ADCY9: variants seen among roughly 807,000 people sequenced by gnomAD.
ADCY9 encodes the protein adenylate cyclase 9, also known as adenylate cyclase type 9.
In ADCY9, 50 loss-of-function variants were observed where a neutral mutation model predicts 101.5. The observed-to-expected ratio is 0.49, with a 90% CI of 0.39 to 0.62. The LOEUF (loss-of-function observed/expected upper bound fraction) is 0.62. ADCY9 is among the 20% of genes least tolerant of loss of function. The pLI is 0.00. For missense variants in ADCY9, 1,662 were observed against 1,800.4 expected, an observed-to-expected ratio of 0.92 and a Z score of 1.39; for synonymous variants, 905 against 769.3, an observed-to-expected ratio of 1.18 and a Z score of -2.92.
At chr16:4,014,533 C>T (rs1471931308) in intron 2 of ADCY9, among the ~76,000 whole-genome samples, 6 of 151,228 alleles carry the variant, frequency 4.0e-5, no homozygotes, top group South Asian at 2.1e-4. Context: ...CTGCAACCTC[C>T]GCCTCCCGGG....
chr16:4,041,948 G>C (rs940381349), intron 2 of ADCY9, among the ~76,000 whole-genome samples: 2 of 140,974 alleles, frequency 1.4e-5, no homozygotes, highest in African/African-American at 5.3e-5. Flanking sequence ...TTTTGAGACG[G>C]AGTCTTGCTC....
chr16:4,056,166 A>G (rs929354496), intron 2 of ADCY9, among the ~76,000 whole-genome samples: 1 of 152,242 alleles, frequency 6.6e-6, no homozygotes, highest in African/African-American at 2.4e-5. Context: ...TCTCTTCAAC[A>G]TCAGCTCTCA....
chr16:3,998,664 G>T (rs2056306053), intron 3 of ADCY9, among the ~76,000 whole-genome samples: 1 of 133,390 alleles, frequency 7.5e-6, no homozygotes, highest in African/African-American at 2.9e-5. Flanking sequence ...AGCCGAGATG[G>T]TGCCACTGCA....
intron 3 of ADCY9, among the ~76,000 whole-genome samples, chr16:4,006,278 C>T (rs913565210): frequency 4.4e-5 from 6 of 136,554 alleles, no homozygotes; most frequent in African/African-American, 1.9e-4. Context: ...CACATGACTA[C>T]CTGGTCCAAA....
At chr16:4,072,575 G>C (rs1383746791) in intron 2 of ADCY9, among the ~76,000 whole-genome samples, 4 of 152,144 alleles carry the variant, frequency 2.6e-5, no homozygotes. Context: ...CTTGAGAACA[G>C]ACATAGCTTC....
At chr16:4,083,159 T>A (rs934833860) in intron 2 of ADCY9, among the ~76,000 whole-genome samples, 1 of 152,266 alleles carries the variant, frequency 6.6e-6, no homozygotes, top group Non-Finnish European at 1.5e-5. Flanking sequence ...TGCGTTTTTT[T>A]GTTTGTTTGT....
At chr16:4,014,801 C>T (rs576252702) in intron 2 of ADCY9, among the ~76,000 whole-genome samples, 21 of 152,054 alleles carry the variant, frequency 1.4e-4, no homozygotes, top group African/African-American at 4.6e-4. Context: ...CTCCCTCCCG[C>T]TTCCCCACCC....
chr16:4,033,861 C>T (rs144064830), intron 2 of ADCY9, among the ~76,000 whole-genome samples: 1 of 152,276 alleles, frequency 6.6e-6, no homozygotes, highest in African/African-American at 2.4e-5. Flanking sequence ...ACATCAGTGA[C>T]TTTACAGGGT....
Position 4,043,322 on chromosome 16 carries a change from C to T in ADCY9, c.1694-35764G>A, listed in dbSNP as rs142775276. Among the ~76,000 whole-genome samples the T allele has an allele frequency of 3.5e-4, 54 of 152,184 alleles. 1 individual carries two copies. The East Asian group carries it at 9.8e-3, about 28-fold the overall frequency. On this transcript the variant is annotated intron_variant, in intron 2 of 10. Coordinates refer to ENST00000294016, the MANE Select transcript of ADCY9 (RefSeq NM_001116.4). ...TATATGTAAACATAAAGCATTATAA[C>T]AAGACAGAGGAATACACCACTGGAG...
chr16:4,015,711 A>C (rs2056434201), intron 2 of ADCY9: 1 of 152,246 alleles, frequency 6.6e-6, no homozygotes. Context: ...TCACGCCTAT[A>C]ATCCCAGGAC....
intron 3 of ADCY9, among the ~76,000 whole-genome samples, chr16:3,998,770 AAAGAAAAGAAAAGAAAAGAAAAGAAAAG>A (rs2056309228): frequency 6.2e-5 from 1 of 16,054 alleles, no homozygotes; most frequent in Non-Finnish European, 1.4e-4. Flanking sequence ...AAAGAAAAGA[AAAGAAAAGAAAAGAAAAGAAAAGAAAAG>A]AAAAAAAGAG....
In ADCY9 at chr16:4,113,892, G is replaced by A; in HGVS notation, c.1551C>T (p.Ala517=). 1 of 1,614,122 alleles carries A rather than the reference G, an allele frequency of 6.2e-7. No homozygotes were observed. The change falls in exon 2 of 11, where the codon GCC becomes GCT. Residue 517 remains alanine (A), a synonymous_variant. Coordinates refer to ENST00000294016, the MANE Select transcript of ADCY9 (RefSeq NM_001116.4). ...CCACTCCCAGCTGCTCCATGAGATT[G>A]GCCAGGTTCACATCGTTGGACCACA... The part of the protein sequence containing the change: ...FDVWSNDVNL[A]NLMEQLGVAG...
chr16:4,051,641 G>C (rs1203197563), intron 2 of ADCY9, among the ~76,000 whole-genome samples: 1 of 152,094 alleles, frequency 6.6e-6, no homozygotes, highest in African/African-American at 2.4e-5. Context: ...GGACAATCTG[G>C]GTATCGAAGC....
chr16:4,073,024 C>T (rs989058529), intron 2 of ADCY9, among the ~76,000 whole-genome samples: 1 of 144,968 alleles, frequency 6.9e-6, no homozygotes, highest in Non-Finnish European at 1.5e-5. Flanking sequence ...ACAAACAAAA[C>T]CAAAAAAAAG....
At chr16:4,043,622 A>G (rs2056642668) in intron 2 of ADCY9, among the ~76,000 whole-genome samples, 1 of 152,142 alleles carries the variant, frequency 6.6e-6, no homozygotes, top group South Asian at 2.1e-4. Context: ...CATGAGAGGC[A>G]GAGGTTGCAG....
At chr16:4,105,023 C>T (rs963213905) in intron 2 of ADCY9, among the ~76,000 whole-genome samples, 2 of 149,262 alleles carry the variant, frequency 1.3e-5, no homozygotes, top group Admixed American at 6.7e-5. Context: ...AAGCCGAGAT[C>T]GTGCCACTGC....
rs1299723953 is a variant in ADCY9 at position 4,116,063 on chromosome 16, C to A, written c.-417G>T. 1.4e-5 allele frequency: 2 copies of A among 145,956 alleles called. No homozygotes were observed. The highest frequency in any genetic ancestry group is 3.0e-5 in the Non-Finnish European group (2 of 65,708). The allele number at this position is 145,956 out of a possible 1,614,324, so 9.0% of individuals were successfully genotyped here. A position where few individuals can be genotyped will look rare whatever the true frequency, so the allele number is the denominator to read the frequency against. On this transcript the variant is annotated 5_prime_UTR_variant, in exon 1 of 11. Coordinates refer to ENST00000294016, the MANE Select transcript of ADCY9 (RefSeq NM_001116.4). ...CCCCCCGCGCTCCGGGCCGGCCCTGCCCGCGGCGGCGGGCGCTGGGGGTGG... is the reference window on the plus strand; with the variant it reads ...CCCCCCGCGCTCCGGGCCGGCCCTGACCGCGGCGGCGGGCGCTGGGGGTGG...
chr16:4,029,586 A>C (rs1475822122), intron 2 of ADCY9, among the ~76,000 whole-genome samples: 4 of 152,144 alleles, frequency 2.6e-5, no homozygotes, highest in Non-Finnish European at 4.4e-5. Context: ...ATCTCTACTA[A>C]AAATACAAAA....
intron 2 of ADCY9, among the ~76,000 whole-genome samples, chr16:4,020,147 G>A (rs1265717238): frequency 3.9e-5 from 6 of 152,288 alleles, no homozygotes; most frequent in East Asian, 1.9e-4. Flanking sequence ...TCCTGTAGCC[G>A]TCCAGTTCTG....
Sources: allele counts gnomAD v4.1 joint callset (sites outside exome capture counted in the v4.1 genomes callset), GRCh38; gene constraint gnomAD v4.1.1; transcripts MANE v1.5; gene names NCBI Gene and HGNC (gene_info 2026-07-23, HGNC 2026-07-21).